The following SLC2A3 variants were observed in gnomAD, a reference collection of about 807,000 sequenced individuals.
The protein encoded by SLC2A3 is solute carrier family 2, facilitated glucose transporter member 3.
A neutral mutation model predicts 46.4 loss-of-function variants in SLC2A3; 21 were observed. The ratio of observed to expected loss-of-function variants is 0.45; its 90% CI spans 0.32 to 0.65. The LOEUF (loss-of-function observed/expected upper bound fraction) is 0.65. Among genes scored for constraint, SLC2A3 ranks in the 30% least tolerant of loss-of-function variants. The pLI is 0.04. For synonymous variants in SLC2A3, 213 were observed against 239.4 expected, an observed-to-expected ratio of 0.89 and a Z score of 1.02; for missense variants, 499 against 623.3, an observed-to-expected ratio of 0.80 and a Z score of 2.12.
chr12:7,932,164 G>A (rs1158740111), intron 3 of SLC2A3, among the ~76,000 whole-genome samples: 1 of 151,246 alleles, frequency 6.6e-6, no homozygotes, highest in African/African-American at 2.4e-5. Context: ...ACAGGCGTGA[G>A]CCACGGCACC....
chr12:7,923,957 G>A (rs775093490), intron 8 of SLC2A3, among the ~76,000 whole-genome samples: 7 of 151,580 alleles, frequency 4.6e-5, no homozygotes, highest in Admixed American at 2.6e-4. Flanking sequence ...TAATAGAGAC[G>A]GGGTTTCTCC....
In SLC2A3 at chr12:7,933,338, A is replaced by C. The variant is rs1946178319; in HGVS notation, c.109-191T>G. 8.1e-6 allele frequency: 6 copies of C among 739,460 alleles called. No homozygotes were observed. The East Asian group carries it at 1.7e-4, about 20-fold the overall frequency. The allele number at this position is 739,460 out of a possible 1,614,324, so 45.8% of individuals were successfully genotyped here. On this transcript the variant is annotated intron_variant, in intron 2 of 9. Coordinates refer to ENST00000075120, the MANE Select transcript of SLC2A3 (RefSeq NM_006931.3). ...TAATTCTATTTGTCCTGAAAATCCC[A>C]GTAGGTGGCAGCACCGATGTTCACA...
intron 9 of SLC2A3, among the ~76,000 whole-genome samples, chr12:7,922,356 T>G (rs1421307932): frequency 6.6e-6 from 1 of 152,178 alleles, no homozygotes; most frequent in Non-Finnish European, 1.5e-5. Context: ...TGAGCCACTG[T>G]GTCTGGCCGC....
chr12:7,930,642 T>C lies in SLC2A3; in HGVS notation c.511A>G (p.Ile171Val), dbSNP rs778066752. Reference protein sequence around the residue: ...GIVVGILVAQIFGLEFILGSE... With the variant: ...GIVVGILVAQVFGLEFILGSE... ...CCAAGGATGAATTCCAGACCAAAGA[T>C]CTAGAAACCACACAAAGATAATGCT... Residue 171 changes from isoleucine (I) to valine (V), a missense_variant and splice_region_variant, in exon 5 of 10, where the codon ATC becomes GTC. Ile to Val is a conservative substitution (Grantham distance 29). This residue lies in a region of SLC2A3 where 248 missense variants were observed against 284.0 expected (regional missense o/e 0.87). Transcript: ENST00000075120. 8.1e-6 allele frequency: 13 copies of C among 1,611,666 alleles called. No homozygotes were observed. Among genetic ancestry groups the C allele is most frequent in the Non-Finnish European group, 5.1e-6 (6 of 1,179,106 alleles).
At chr12:7,928,107 A>G (rs1269347670) in intron 6 of SLC2A3, among the ~76,000 whole-genome samples, 2 of 151,608 alleles carry the variant, frequency 1.3e-5, no homozygotes, top group Admixed American at 6.6e-5. Context: ...CTTCACCTCA[A>G]AAAAAGGATG....
At position 7,923,215 on chromosome 12, in the gene SLC2A3, C is replaced by T. The variant is rs189188015; in HGVS notation, c.1069-191G>A. On this transcript the variant is annotated intron_variant, in intron 8 of 9. Coordinates refer to ENST00000075120, the MANE Select transcript of SLC2A3 (RefSeq NM_006931.3). Reference sequence around the variant, plus strand: ...ACAGGGTCTTACTCTGTTGCCCATGCTGGAGGGCAGTGGCACTACAATAGC... The same window carrying T: ...ACAGGGTCTTACTCTGTTGCCCATGTTGGAGGGCAGTGGCACTACAATAGC... 2.2e-4 allele frequency: 132 copies of T among 605,066 alleles called. 1 individual carries two copies. The highest frequency in any genetic ancestry group is 4.5e-4 in the Admixed American group (14 of 30,836). The allele number at this position is 605,066 out of a possible 1,614,324, so 37.5% of individuals were successfully genotyped here. A position where few individuals can be genotyped will look rare whatever the true frequency, so the allele number is the denominator to read the frequency against.
At chr12:7,929,102 G>A (rs1472139655) in intron 6 of SLC2A3, among the ~76,000 whole-genome samples, 1 of 152,036 alleles carries the variant, frequency 6.6e-6, no homozygotes, top group Non-Finnish European at 1.5e-5. Flanking sequence ...AAAATAGTAA[G>A]TTTTGCAAAA....
intron 3 of SLC2A3, 173 bp downstream of exon 3, chr12:7,932,814 T>C (rs1251698512): frequency 6.2e-5 from 56 of 899,792 alleles, no homozygotes; most frequent in Middle Eastern, 7.0e-4. Flanking sequence ...TCCAGGGTAG[T>C]AGAGCTCCAA....
In SLC2A3 at chr12:7,928,752, C is replaced by T. The variant is rs981906657; in HGVS notation, c.861+932G>A. On this transcript the variant is annotated intron_variant, in intron 6 of 9. Coordinates refer to ENST00000075120, the MANE Select transcript of SLC2A3 (RefSeq NM_006931.3). ...ATACGTGTGGCCTACATTATCATTT[C>T]CAAATGAAGAAATTTGAGACTGGGA... 1.6e-4 allele frequency among the ~76,000 whole-genome samples: 25 copies of T among 152,118 alleles called. 1 individual carries two copies. Among genetic ancestry groups the T allele is most frequent in the Admixed American group, 5.2e-4 (8 of 15,262 alleles).
At chr12:7,930,115 A>G (rs1946136212) in intron 5 of SLC2A3, 2 of 774,334 alleles carry the variant, frequency 2.6e-6, no homozygotes, top group East Asian at 6.5e-5. Context: ...CCTCCCAAGT[A>G]GCTGGGATTA....
At chr12:7,928,331 G>A (rs1946116089) in intron 6 of SLC2A3, among the ~76,000 whole-genome samples, 3 of 151,922 alleles carry the variant, frequency 2.0e-5, no homozygotes, top group South Asian at 4.1e-4. Context: ...CCAGGAGGTG[G>A]AGGTTGCAGT....
intron 4 of SLC2A3, 150 bp from the exon 5 acceptor site, chr12:7,930,792 G>GTTTTTTTTTT: frequency 4.1e-6 from 1 of 245,162 alleles, no homozygotes; most frequent in South Asian, 5.3e-5. Flanking sequence ...ACTCAGCATG[G>GTTTTTTTTTT]TTTTTTTTTT....
At position 7,931,504 on chromosome 12, in the gene SLC2A3, A is replaced by G. The variant is rs12312752; in HGVS notation, c.270-19T>C. 1,666 of 1,613,418 alleles carry G rather than the reference A, an allele frequency of 1.0e-3. 18 individuals are homozygous for G. The African/African-American group carries it at 0.02, about 19-fold the overall frequency. On this transcript the variant is annotated intron_variant, in intron 3 of 9. Coordinates refer to ENST00000075120, the MANE Select transcript of SLC2A3 (RefSeq NM_006931.3). ...ATTGCGCCTGTAAGGTTAATCAAAGACAAAGTAGAATTAGCAAAGTGAGAG... is the reference window on the plus strand; with the variant it reads ...ATTGCGCCTGTAAGGTTAATCAAAGGCAAAGTAGAATTAGCAAAGTGAGAG...
intron 6 of SLC2A3, among the ~76,000 whole-genome samples, chr12:7,927,153 T>A (rs1946104390): frequency 6.6e-6 from 1 of 152,144 alleles, no homozygotes; most frequent in South Asian, 2.1e-4. Context: ...ATATTCATAT[T>A]TTCTAAAATA....
In SLC2A3 at chr12:7,921,761, C is replaced by T. The variant is rs1316971212; in HGVS notation, c.1273-130G>A. ...TTCCATATTTAATGAAAACAGGTTT[C>T]TTCAGATTCGCTTATGATTCCATTG... On this transcript the variant is annotated intron_variant, in intron 9 of 9. Transcript: ENST00000075120. The T allele has an allele frequency of 6.7e-6, 7 of 1,045,902 alleles. No individual in the cohort carries two copies. In the Admixed American group the frequency reaches 1.7e-4, roughly 26 times the overall value. 64.8% of individuals were successfully genotyped at this position (1,045,902 alleles called of 1,614,324 possible).
rs766446828 is a variant in SLC2A3, at chr12:7,929,877, G to A, written c.674-6C>T. The A allele has an allele frequency of 8.7e-6, 14 of 1,613,658 alleles. No individual in the cohort carries two copies. The East Asian group carries it at 2.7e-4, about 31-fold the overall frequency. ...GCCCCACAACCGCTGGAGGACTGGT[G>A]AAAAGAAGAAAGAGGAAAGGATAAA... On this transcript the variant is annotated splice_polypyrimidine_tract_variant and splice_region_variant and intron_variant, in intron 5 of 9. Coordinates refer to ENST00000075120, the MANE Select transcript of SLC2A3 (RefSeq NM_006931.3).
intron 1 of SLC2A3, among the ~76,000 whole-genome samples, chr12:7,934,120 G>GGA (rs1370069276): frequency 1.3e-5 from 2 of 152,104 alleles, no homozygotes; most frequent in Non-Finnish European, 2.9e-5. Context: ...TGGTAAAAAT[G>GGA]AAAGAAAATT....
In SLC2A3 at chr12:7,921,263, A is replaced by T. The variant is rs1367557744; in HGVS notation, c.*150T>A. The T allele has an allele frequency of 1.2e-5, 18 of 1,477,952 alleles. No homozygotes were observed. The highest frequency in any genetic ancestry group is 1.5e-5 in the Non-Finnish European group (16 of 1,093,980). 91.6% of individuals were successfully genotyped at this position (1,477,952 alleles called of 1,614,324 possible). ...AGCCATTGAAGATCCAACAAACCGC[A>T]GCCTTGGGGTGCTCATGGAGTGCGT... On this transcript the variant is annotated 3_prime_UTR_variant, in exon 10 of 10. Coordinates refer to ENST00000075120, the MANE Select transcript of SLC2A3 (RefSeq NM_006931.3).
At position 7,936,057 on chromosome 12, in the gene SLC2A3, T is replaced by C; in HGVS notation, c.-23A>G. ...CATCGCTGTAATCTAATTCAAGTCT[T>C]CAAGAAAGATCTAGGGGTGATTCCA... On this transcript the variant is annotated 5_prime_UTR_variant, in exon 1 of 10. Transcript: ENST00000075120. The C allele has an allele frequency of 6.3e-7, 1 of 1,598,450 alleles. No individual in the cohort carries two copies. The highest frequency in any genetic ancestry group is 8.6e-7 in the Non-Finnish European group (1 of 1,165,744).
Sources: allele counts gnomAD v4.1 joint callset (sites outside exome capture counted in the v4.1 genomes callset), GRCh38; gene constraint gnomAD v4.1.1; regional missense constraint gnomAD v4.1.1; transcripts MANE v1.5; gene names NCBI Gene and HGNC (gene_info 2026-07-23, HGNC 2026-07-21).